The following EIF4E3 variants were observed in gnomAD, a reference collection of about 807,000 sequenced individuals.
EIF4E3 encodes eukaryotic translation initiation factor 4E family member 3.
A neutral mutation model predicts 31.7 loss-of-function variants in EIF4E3; 26 were observed. The ratio of observed to expected loss-of-function variants is 0.82; its 90% CI spans 0.60 to 1.14. EIF4E3 has a LOEUF of 1.14. Ranked by LOEUF, EIF4E3 falls within the 50% of genes most tolerant of loss-of-function variation. The pLI, the probability that EIF4E3 is intolerant of heterozygous loss-of-function variation, is 0.00. For missense variants in EIF4E3, 304 were observed against 270.9 expected, an observed-to-expected ratio of 1.12 and a Z score of -0.86; for synonymous variants, 128 against 107.7, an observed-to-expected ratio of 1.19 and a Z score of -1.17.
chr3:71,731,927 C>T (rs987015562), intron 1 of EIF4E3, among the ~76,000 whole-genome samples: 29 of 152,238 alleles, frequency 1.9e-4, no homozygotes, highest in Non-Finnish European at 1.8e-4. Context: ...CCTATATTTA[C>T]ATATACTTGG....
chr3:71,659,464 T>A, the EIF4E3 span, among the ~76,000 whole-genome samples: 1 of 152,212 alleles, frequency 6.6e-6, no homozygotes, highest in Non-Finnish European at 1.5e-5. Context: ...TGGCATCAAC[T>A]GTGACAGGGG....
chr3:71,706,827 G>GA (rs1017866260), intron 2 of EIF4E3, among the ~76,000 whole-genome samples: 13 of 150,826 alleles, frequency 8.6e-5, no homozygotes, highest in Non-Finnish European at 1.5e-4. Flanking sequence ...TGTTTCTGAA[G>GA]AAAAAAAAAT....
chr3:71,697,895 G>A (rs1379868164), intron 3 of EIF4E3, among the ~76,000 whole-genome samples: 1 of 152,044 alleles, frequency 6.6e-6, no homozygotes, highest in Non-Finnish European at 1.5e-5. Flanking sequence ...ACATCTCTTC[G>A]ACATACTGAT....
At chr3:71,719,526 C>A (rs1301033759) in intron 1 of EIF4E3, among the ~76,000 whole-genome samples, 2 of 150,150 alleles carry the variant, frequency 1.3e-5, no homozygotes, top group African/African-American at 4.9e-5. Flanking sequence ...GATGGCTCAC[C>A]TTTCTGATGA....
At chr3:71,670,713 G>C (rs1473037449), downstream of EIF4E3, among the ~76,000 whole-genome samples, 5 of 152,134 alleles carry the variant, frequency 3.3e-5, no homozygotes, top group Admixed American at 6.5e-5. Context: ...GGCCCACCTT[G>C]GTCAGACCAC....
chr3:71,707,526 T>C (rs2049310952), intron 2 of EIF4E3, among the ~76,000 whole-genome samples: 1 of 152,154 alleles, frequency 6.6e-6, no homozygotes, highest in Non-Finnish European at 1.5e-5. Flanking sequence ...GTTTTACAGA[T>C]GAGAAACTGA....
intron 2 of EIF4E3, among the ~76,000 whole-genome samples, chr3:71,707,235 A>G (rs2049306461): frequency 6.6e-6 from 1 of 152,316 alleles, no homozygotes; most frequent in East Asian, 1.9e-4. Flanking sequence ...AATTACCATC[A>G]CAATTATTTC....
the EIF4E3 span, among the ~76,000 whole-genome samples, chr3:71,664,235 C>T: frequency 7.2e-5 from 11 of 152,124 alleles, no homozygotes; most frequent in South Asian, 2.1e-4. Flanking sequence ...ACTTAGGATA[C>T]CACACAAAAC....
chr3:71,685,421 G>A (rs1029372889), intron 6 of EIF4E3, among the ~76,000 whole-genome samples: 3 of 152,072 alleles, frequency 2.0e-5, no homozygotes, highest in Non-Finnish European at 2.9e-5. Context: ...GTGCAGTGGC[G>A]CAATCTTGGC....
intron 1 of EIF4E3, among the ~76,000 whole-genome samples, chr3:71,717,981 T>C (rs1029802100): frequency 2.2e-4 from 33 of 152,320 alleles, no homozygotes; most frequent in African/African-American, 7.9e-4. Context: ...ACATGCCCAA[T>C]ACACAGGCAC....
chr3:71,673,356 C>G (rs1370910917), downstream of EIF4E3, among the ~76,000 whole-genome samples: 1 of 152,080 alleles, frequency 6.6e-6, no homozygotes, highest in Non-Finnish European at 1.5e-5. Flanking sequence ...TACATGAAGA[C>G]ACAGTGAATT....
intron 1 of EIF4E3, among the ~76,000 whole-genome samples, chr3:71,731,277 T>C (rs1310626933): frequency 6.6e-6 from 1 of 152,222 alleles, no homozygotes; most frequent in African/African-American, 2.4e-5. Context: ...GGATCCTTCC[T>C]GCCTTTCCAA....
chr3:71,692,422 C>T (rs1254232208), intron 5 of EIF4E3, among the ~76,000 whole-genome samples: 4 of 152,154 alleles, frequency 2.6e-5, no homozygotes, highest in Non-Finnish European at 5.9e-5. Flanking sequence ...GACTATTTTT[C>T]CCTGGTTCTG....
intron 6 of EIF4E3, among the ~76,000 whole-genome samples, chr3:71,685,516 C>A (rs1361566087): frequency 6.6e-6 from 1 of 152,118 alleles, no homozygotes; most frequent in South Asian, 2.1e-4. Flanking sequence ...CGTGTGCCAC[C>A]ACGTCCAGCT....
chr3:71,694,841 C>T (rs907095315), intron 4 of EIF4E3, among the ~76,000 whole-genome samples: 1 of 152,096 alleles, frequency 6.6e-6, no homozygotes, highest in Non-Finnish European at 1.5e-5. Flanking sequence ...TGAAATTAGT[C>T]AACAAGTGTG....
chr3:71,749,718 T>G (rs1002482941), intron 1 of EIF4E3, among the ~76,000 whole-genome samples: 3 of 152,234 alleles, frequency 2.0e-5, no homozygotes, highest in African/African-American at 7.2e-5. Flanking sequence ...GAAATACTTT[T>G]GTTTCTATGT....
chr3:71,665,551 T>C, the EIF4E3 span, among the ~76,000 whole-genome samples: 2 of 152,202 alleles, frequency 1.3e-5, no homozygotes, highest in Non-Finnish European at 2.9e-5. Context: ...GACATGAAAG[T>C]CTGTCACTGT....
the EIF4E3 span, among the ~76,000 whole-genome samples, chr3:71,667,359 T>C: frequency 6.6e-6 from 1 of 152,238 alleles, no homozygotes; most frequent in South Asian, 2.1e-4. Context: ...GGATGCCCTC[T>C]GTCACCACTC....
downstream of EIF4E3, among the ~76,000 whole-genome samples, chr3:71,672,796 T>TAAAA (rs546461574): frequency 2.0e-5 from 3 of 152,064 alleles, no homozygotes; most frequent in African/African-American, 7.2e-5. Context: ...TTTTTTTTTT[T>TAAAA]AAACCTTTTC....
Sources: gnomAD v4.1 joint callset for allele counts (sites outside exome capture counted in the v4.1 genomes callset) on GRCh38, gnomAD v4.1.1 for gene constraint, MANE v1.5 for transcripts, NCBI Gene and HGNC (gene_info 2026-07-23, HGNC 2026-07-21) for gene names.